BACH2: variants seen among roughly 807,000 people sequenced by gnomAD.
BACH2 encodes transcription regulator protein BACH2.
Under a neutral mutation model 61.8 loss-of-function variants are expected in BACH2, and 5 were observed. The ratio of observed to expected loss-of-function variants is 0.08; its 90% CI spans 0.04 to 0.17. The LOEUF (loss-of-function observed/expected upper bound fraction) is 0.17. BACH2 is among the 10% of genes least tolerant of loss of function. The pLI, the probability that BACH2 is intolerant of heterozygous loss-of-function variation, is 1.00. For synonymous variants in BACH2, 446 were observed against 440.1 expected, an observed-to-expected ratio of 1.01 and a Z score of -0.17; for missense variants, 824 against 1,091.1, an observed-to-expected ratio of 0.76 and a Z score of 3.45.
chr6:90,120,458 C>T (rs1461339316), intron 4 of BACH2, among the ~76,000 whole-genome samples: 1 of 152,182 alleles, frequency 6.6e-6, no homozygotes, highest in African/African-American at 2.4e-5. Context: ...CAAAGCTTGC[C>T]TAGTTCACAA....
At chr6:90,090,713 C>T (rs564608910) in intron 4 of BACH2, among the ~76,000 whole-genome samples, 30 of 152,196 alleles carry the variant, frequency 2.0e-4, no homozygotes, top group African/African-American at 7.0e-4. Flanking sequence ...CATGGGGTCT[C>T]CACATGGAAA....
intron 6 of BACH2, among the ~76,000 whole-genome samples, chr6:89,974,527 G>A (rs1775544553): frequency 6.6e-6 from 1 of 152,168 alleles, no homozygotes; most frequent in Admixed American, 6.5e-5. Flanking sequence ...TATCACGGGA[G>A]AAAAAACGCC....
chr6:90,294,783 T>TTCACGC (rs1772286289), intron 1 of BACH2, among the ~76,000 whole-genome samples: 1 of 152,146 alleles, frequency 6.6e-6, no homozygotes, highest in South Asian at 2.1e-4. Flanking sequence ...GGGGCAGCCT[T>TTCACGC]TCACGCTCAG....
chr6:90,285,503 T>C (rs1392185808), intron 1 of BACH2, among the ~76,000 whole-genome samples: 1 of 152,160 alleles, frequency 6.6e-6, no homozygotes, highest in Non-Finnish European at 1.5e-5. Context: ...TCAGCCCCTT[T>C]TGCCTCTCCC....
intron 4 of BACH2, among the ~76,000 whole-genome samples, chr6:90,139,682 T>C (rs1784399122): frequency 1.3e-5 from 2 of 152,208 alleles, no homozygotes; most frequent in South Asian, 4.1e-4. Context: ...TAAGCGTGAT[T>C]GTGTAACAGT....
In BACH2 at chr6:90,268,167, C is replaced by T. The variant is rs565693793; in HGVS notation, c.-353+3682G>A. Among the ~76,000 whole-genome samples the T allele has an allele frequency of 4.6e-5, 7 of 152,052 alleles. No individual in the cohort carries two copies. The South Asian group carries it at 1.2e-3, about 27-fold the overall frequency. ...GGGATTACAGGTGCACACCACCATG[C>T]CCAGCTAATTTTTGTATTTTTAGAG... On this transcript the variant is annotated intron_variant, in intron 2 of 8. Transcript: ENST00000257749.
chr6:90,202,997 C>T (rs1769007181), intron 4 of BACH2, among the ~76,000 whole-genome samples: 1 of 152,118 alleles, frequency 6.6e-6, no homozygotes, highest in South Asian at 2.1e-4. Context: ...AGCAGTAACA[C>T]AGATAAACCA....
chr6:90,071,535 G>A (rs1781226911), intron 5 of BACH2, among the ~76,000 whole-genome samples: 2 of 152,242 alleles, frequency 1.3e-5, no homozygotes, highest in Admixed American at 1.3e-4. Flanking sequence ...ATGAGCTGGT[G>A]TGAGAGAACA....
chr6:90,069,050 C>T (rs1416368604), intron 5 of BACH2, among the ~76,000 whole-genome samples: 3 of 152,112 alleles, frequency 2.0e-5, no homozygotes, highest in African/African-American at 7.2e-5. Context: ...ACTGTTACTC[C>T]CACATTTACT....
At chr6:90,262,399 G>A (rs1033324255) in intron 2 of BACH2, among the ~76,000 whole-genome samples, 10 of 152,118 alleles carry the variant, frequency 6.6e-5, no homozygotes, top group South Asian at 2.1e-4. Flanking sequence ...CCATCCCCAC[G>A]CCCCATTCCC....
At chr6:90,022,579 G>A (rs778658957) in intron 5 of BACH2, among the ~76,000 whole-genome samples, 1 of 152,174 alleles carries the variant, frequency 6.6e-6, no homozygotes, top group Non-Finnish European at 1.5e-5. Context: ...GCAAGACTCC[G>A]TTTCAAAAAT....
chr6:90,181,131 C>A (rs893811538), intron 4 of BACH2, among the ~76,000 whole-genome samples: 1 of 152,148 alleles, frequency 6.6e-6, no homozygotes, highest in Non-Finnish European at 1.5e-5. Flanking sequence ...TACATTCCCA[C>A]CAGTAGTGTG....
intron 6 of BACH2, among the ~76,000 whole-genome samples, chr6:89,983,985 C>T (rs1776100844): frequency 6.6e-6 from 1 of 152,194 alleles, no homozygotes; most frequent in Non-Finnish European, 1.5e-5. Flanking sequence ...CCGATCCTTC[C>T]TTTGTATAGG....
rs76196222 is a variant in BACH2, at chr6:90,032,440, T to C, written c.-12-23584A>G. 3.9e-5 allele frequency among the ~76,000 whole-genome samples: 4 copies of C among 102,350 alleles called. 2 individuals carry two copies. The highest frequency in any genetic ancestry group is 7.1e-5 in the Non-Finnish European group (4 of 56,410). 67.1% of individuals were successfully genotyped at this position (102,350 alleles called of 152,430 possible). A position where few individuals can be genotyped will look rare whatever the true frequency, so the allele number is the denominator to read the frequency against. On this transcript the variant is annotated intron_variant, in intron 5 of 8. Coordinates refer to ENST00000257749, the MANE Select transcript of BACH2 (RefSeq NM_021813.4). ...AGGCAACCTACAGAATTGGAGGAAATTTTTGTAATCTACTCATCTGACAAA... is the reference window on the plus strand; with the variant it reads ...AGGCAACCTACAGAATTGGAGGAAACTTTTGTAATCTACTCATCTGACAAA...
At chr6:90,223,998 A>G (rs1769829058) in intron 3 of BACH2, among the ~76,000 whole-genome samples, 1 of 152,236 alleles carries the variant, frequency 6.6e-6, no homozygotes, top group Admixed American at 6.5e-5. Context: ...TAACAAGTTC[A>G]AATTCCTTTG....
chr6:89,984,525 TAGGTGAGTGAAAG>T (rs1477375014), intron 6 of BACH2, among the ~76,000 whole-genome samples: 1 of 151,802 alleles, frequency 6.6e-6, no homozygotes, highest in Non-Finnish European at 1.5e-5. Flanking sequence ...TAACCAAGAA[TAGGTGAGTGAAAG>T]AAGCAGACAC....
At chr6:90,027,580 T>C (rs1778699348) in intron 5 of BACH2, among the ~76,000 whole-genome samples, 1 of 152,192 alleles carries the variant, frequency 6.6e-6, no homozygotes, top group African/African-American at 2.4e-5. Context: ...CAAGGGCTCA[T>C]TGGCCAGGTG....
At chr6:89,970,743 T>C (rs1229975237) in intron 6 of BACH2, among the ~76,000 whole-genome samples, 2 of 152,184 alleles carry the variant, frequency 1.3e-5, no homozygotes, top group Admixed American at 1.3e-4. Context: ...CTGGCTGGCT[T>C]CTTTGTTCAT....
intron 4 of BACH2, among the ~76,000 whole-genome samples, chr6:90,104,868 G>A (rs1487023423): frequency 1.3e-5 from 2 of 152,208 alleles, no homozygotes; most frequent in Non-Finnish European, 2.9e-5. Context: ...GCAGGTAGGT[G>A]TATGCTGGTT....
Sources: gnomAD v4.1 joint callset for allele counts (sites outside exome capture counted in the v4.1 genomes callset) on GRCh38, gnomAD v4.1.1 for gene constraint, MANE v1.5 for transcripts, NCBI Gene and HGNC (gene_info 2026-07-23, HGNC 2026-07-21) for gene names.